Variants in HECTD2 observed in about 807,000 individuals in gnomAD.
HECTD2 encodes the protein HECT domain E3 ubiquitin protein ligase 2.
HECTD2 carries 35 observed loss-of-function variants against 103.2 expected under a neutral mutation model. The ratio of observed to expected loss-of-function variants is 0.34; its 90% CI spans 0.26 to 0.45. The LOEUF (loss-of-function observed/expected upper bound fraction) is 0.45, where lower values mean the gene tolerates loss of function less well. HECTD2 is among the 20% of genes least tolerant of loss of function. The pLI, the probability that HECTD2 is intolerant of heterozygous loss-of-function variation, is 1.00. For synonymous variants in HECTD2, 281 were observed against 329.9 expected (o/e 0.85, Z 1.61); for missense variants, 596 against 937.4 (o/e 0.64, Z 4.76).
intron 1 of HECTD2, among the ~76,000 whole-genome samples, chr10:91,419,539 T>A (rs1361178178): frequency 6.6e-6 from 1 of 152,196 alleles, no homozygotes; most frequent in African/African-American, 2.4e-5. Flanking sequence ...ATAAGATTTT[T>A]GGTTAGTTAT....
At chr10:91,444,662 G>A (rs1165325726) in intron 2 of HECTD2, among the ~76,000 whole-genome samples, 1 of 152,276 alleles carries the variant, frequency 6.6e-6, no homozygotes, top group East Asian at 1.9e-4. Flanking sequence ...CAGGCTTTCT[G>A]CCTGTTCTCA....
intron 20 of HECTD2, among the ~76,000 whole-genome samples, chr10:91,503,603 C>T (rs926465283): frequency 2.6e-5 from 4 of 152,232 alleles, no homozygotes; most frequent in African/African-American, 7.2e-5. Flanking sequence ...GAGATTATAT[C>T]CCGCACTTGG....
intron 6 of HECTD2, among the ~76,000 whole-genome samples, chr10:91,480,580 T>C (rs1846056518): frequency 6.6e-6 from 1 of 152,082 alleles, no homozygotes; most frequent in Non-Finnish European, 1.5e-5. Flanking sequence ...CCAAATCTCA[T>C]ACTATGAGAA....
At chr10:91,476,063 G>A (rs1224803240) in intron 5 of HECTD2, among the ~76,000 whole-genome samples, 6 of 152,228 alleles carry the variant, frequency 3.9e-5, no homozygotes, top group Non-Finnish European at 8.8e-5. Flanking sequence ...ATAGAGCAAA[G>A]TGGAGAAGAA....
intron 2 of HECTD2, among the ~76,000 whole-genome samples, chr10:91,439,613 G>T (rs528768282): frequency 5.1e-4 from 77 of 152,168 alleles, no homozygotes; most frequent in Non-Finnish European, 9.6e-4. Context: ...TTCTAATTCT[G>T]TGAAGAAAGT....
rs1190827735 is a variant in HECTD2 at position 91,512,285 on chromosome 10, C to T, written c.2232C>T (p.Cys744=). The T allele has an allele frequency of 1.1e-5, 18 of 1,613,322 alleles. No homozygotes were observed. The Admixed American group carries it at 3.0e-4, about 27-fold the overall frequency. Residue 744 remains cysteine, a synonymous_variant, in exon 21 of 21, where the codon TGC becomes TGT. Transcript: ENST00000298068. ...CTAGCTTACCTGTGGCCCATACCTGCTTCAATCAACTTTGCCTTCCCCCCT... is the reference window on the plus strand; with the variant it reads ...CTAGCTTACCTGTGGCCCATACCTGTTTCAATCAACTTTGCCTTCCCCCCT... ...STNCLPVAHT[C]FNQLCLPPYK...
intron 5 of HECTD2, among the ~76,000 whole-genome samples, chr10:91,477,318 G>T (rs1185831352): frequency 6.6e-6 from 1 of 152,256 alleles, no homozygotes; most frequent in East Asian, 1.9e-4. Context: ...TAGTTGTCTT[G>T]AAGTGTAGAG....
intron 20 of HECTD2, among the ~76,000 whole-genome samples, chr10:91,509,406 T>C (rs1334926214): frequency 1.3e-5 from 2 of 151,760 alleles, no homozygotes; most frequent in African/African-American, 4.8e-5. Context: ...AGTATGGAGG[T>C]TTCTTAAAGA....
At chr10:91,412,717 A>G (rs1041066896) in intron 1 of HECTD2, among the ~76,000 whole-genome samples, 1 of 149,718 alleles carries the variant, frequency 6.7e-6, no homozygotes, top group African/African-American at 2.5e-5. Context: ...AGAGACTTCA[A>G]AGCTAGAATT....
intron 4 of HECTD2, 58 bp downstream of exon 4, chr10:91,461,414 T>C (rs1329361771): frequency 1.2e-6 from 1 of 844,132 alleles, no homozygotes; most frequent in Admixed American, 2.7e-5. Context: ...TTTCCAAAAA[T>C]GATAAATTTA....
chr10:91,470,550 G>C (rs912158013), intron 5 of HECTD2, among the ~76,000 whole-genome samples: 1 of 152,084 alleles, frequency 6.6e-6, no homozygotes, highest in Admixed American at 6.6e-5. Flanking sequence ...ACCCAGCACT[G>C]TGAAAGGAAA....
At chr10:91,417,279 T>G (rs866700936) in intron 1 of HECTD2, among the ~76,000 whole-genome samples, 23 of 152,330 alleles carry the variant, frequency 1.5e-4, no homozygotes, top group African/African-American at 5.3e-4. Context: ...CTGTGTGACA[T>G]TCTAGTGAGC....
At chr10:91,476,956 GGATCATGAGGTCAGGAGATCGA>G (rs1461072330) in intron 5 of HECTD2, among the ~76,000 whole-genome samples, 1 of 151,900 alleles carries the variant, frequency 6.6e-6, no homozygotes, top group Non-Finnish European at 1.5e-5. Context: ...CGAGGCGGGT[GGATCATGAGGTCAGGAGATCGA>G]GACCATCCTG....
At chr10:91,431,759 C>G (rs949494934) in intron 2 of HECTD2, among the ~76,000 whole-genome samples, 4 of 151,894 alleles carry the variant, frequency 2.6e-5, no homozygotes, top group African/African-American at 4.8e-5. Context: ...CTGTGTATTG[C>G]TTATTCTAGT....
chr10:91,506,808 A>G (rs887466764), intron 20 of HECTD2, among the ~76,000 whole-genome samples: 1 of 151,882 alleles, frequency 6.6e-6, no homozygotes, highest in Admixed American at 6.5e-5. Flanking sequence ...AAAGCCGGGC[A>G]GAGACACAAC....
chr10:91,430,233 G>C (rs1274322923), intron 2 of HECTD2, among the ~76,000 whole-genome samples: 1 of 152,122 alleles, frequency 6.6e-6, no homozygotes, highest in Non-Finnish European at 1.5e-5. Context: ...ATTGCACTGT[G>C]GTCTGAGAGA....
chr10:91,469,633 C>G (rs923967006), intron 5 of HECTD2, among the ~76,000 whole-genome samples: 5 of 152,152 alleles, frequency 3.3e-5, no homozygotes, highest in African/African-American at 1.2e-4. Flanking sequence ...AAGACTGTTA[C>G]CGGCTGCCAC....
chr10:91,504,778 A>T lies in HECTD2; in HGVS notation c.2210+3444A>T, dbSNP rs1400247183. 1.2e-4 allele frequency among the ~76,000 whole-genome samples: 17 copies of T among 145,318 alleles called. 1 individual carries two copies. The highest frequency in any genetic ancestry group is 4.3e-4 in the South Asian group (2 of 4,610). On this transcript the variant is annotated intron_variant, in intron 20 of 20. Transcript: ENST00000298068. Reference sequence around the variant, plus strand: ...TTCAGATTCAGGAAATACAGAGAACACCACAAAGATACTCCTCGAGAAGAG... The same window carrying T: ...TTCAGATTCAGGAAATACAGAGAACTCCACAAAGATACTCCTCGAGAAGAG...
intron 13 of HECTD2, 24 bp from the exon 14 acceptor site, chr10:91,493,396 A>G: frequency 7.6e-7 from 1 of 1,317,254 alleles, no homozygotes; most frequent in Non-Finnish European, 1.0e-6. Context: ...TGTTAATAAT[A>G]ACATTATTCG....
Sources: gnomAD v4.1 joint callset for allele counts (sites outside exome capture counted in the v4.1 genomes callset) on GRCh38, gnomAD v4.1.1 for gene constraint, MANE v1.5 for transcripts, NCBI Gene and HGNC (gene_info 2026-07-23, HGNC 2026-07-21) for gene names.